Variants in SLC35H1 observed in about 807,000 individuals in gnomAD.
The protein encoded by SLC35H1 is ovarian cancer-overexpressed gene 1 protein.
chr20:46,351,188 C>T, the SLC35H1 span, among the ~76,000 whole-genome samples: 24 of 152,330 alleles, frequency 1.6e-4, no homozygotes, highest in East Asian at 3.3e-3. Flanking sequence ...GCCTTATCCA[C>T]AAGGATAAAG....
chr20:46,351,525 G>A, the SLC35H1 span, among the ~76,000 whole-genome samples: 27 of 152,334 alleles, frequency 1.8e-4, no homozygotes, highest in African/African-American at 5.8e-4. Context: ...GGAGAAGTGA[G>A]AAGAGGTATG....
the SLC35H1 span, chr20:46,355,519 C>G: frequency 1.6e-6 from 1 of 624,764 alleles, no homozygotes; most frequent in East Asian, 2.8e-5. This position sits in a 1 kb window ranked among gnomAD's most constrained non-coding sequence, Gnocchi z 4.8. Context: ...CTGGGCCTAA[C>G]ACACAGGGCT....
At chr20:46,350,038 C>T in the SLC35H1 span, 1 of 171,204 alleles carries the variant, frequency 5.8e-6, no homozygotes, top group African/African-American at 2.4e-5. Flanking sequence ...CCCTGGAGGT[C>T]CAAAACCCAG....
chr20:46,356,983 G>A, the SLC35H1 span, among the ~76,000 whole-genome samples: 482 of 152,238 alleles, frequency 3.2e-3, 1 homozygote, highest in Non-Finnish European at 5.7e-3. Flanking sequence ...CCTCCACGGG[G>A]AATCCGGCCT....
the SLC35H1 span, chr20:46,350,589 C>A: frequency 2.6e-6 from 4 of 1,538,340 alleles, no homozygotes; most frequent in African/African-American, 1.4e-5. Flanking sequence ...CTCTGATTTG[C>A]ATGTGTGCTG....
chr20:46,355,859 TTTGGTCA>T, the SLC35H1 span: 1 of 1,613,790 alleles, frequency 6.2e-7, no homozygotes, highest in Non-Finnish European at 8.5e-7. This position sits in a 1 kb window ranked among gnomAD's most constrained non-coding sequence, Gnocchi z 4.8. Flanking sequence ...CAGCTGAGGA[TTTGGTCA>T]TTGTGTACCT....
chr20:46,353,028 C>A, the SLC35H1 span: 1 of 152,228 alleles, frequency 6.6e-6, no homozygotes, highest in Admixed American at 6.5e-5. Flanking sequence ...AGTGCCCCAG[C>A]CCACTCAGGG....
At chr20:46,350,199 G>T in the SLC35H1 span, 2 of 524,462 alleles carry the variant, frequency 3.8e-6, no homozygotes, top group Non-Finnish European at 6.4e-6. Flanking sequence ...TCCCAGGCTG[G>T]CCTGGTGCTC....
the SLC35H1 span, chr20:46,358,370 G>T: frequency 6.2e-7 from 1 of 1,611,088 alleles, no homozygotes; most frequent in South Asian, 1.1e-5. Context: ...CCCCGCCCCA[G>T]CAAGGCCTCC....
At chr20:46,360,765 G>T in the SLC35H1 span, among the ~76,000 whole-genome samples, 5 of 152,152 alleles carry the variant, frequency 3.3e-5, no homozygotes, top group Admixed American at 2.6e-4. Context: ...GGTCAGGCTG[G>T]TCTTGAACTC....
At chr20:46,355,831 A>T in the SLC35H1 span, 1 of 1,614,152 alleles carries the variant, frequency 6.2e-7, no homozygotes, top group East Asian at 2.2e-5. This position sits in a 1 kb window ranked among gnomAD's most constrained non-coding sequence, Gnocchi z 4.8. Flanking sequence ...ATCAGAGAGA[A>T]GATCAAGATG....
At chr20:46,354,970 A>G in the SLC35H1 span, 1 of 1,613,960 alleles carries the variant, frequency 6.2e-7, no homozygotes. Context: ...GGAGGCCTGC[A>G]GGGCGGGGGA....
the SLC35H1 span, chr20:46,352,135 A>G: frequency 6.2e-7 from 1 of 1,614,214 alleles, no homozygotes; most frequent in Non-Finnish European, 8.5e-7. Flanking sequence ...CAAAGGCGAG[A>G]ATCCCGCCAA....
chr20:46,348,841 G>T, the SLC35H1 span: 3 of 152,254 alleles, frequency 2.0e-5, no homozygotes, highest in Admixed American at 1.3e-4. Context: ...CCCTGGGTCT[G>T]TGTCATCTAT....
chr20:46,346,125 G>A, the SLC35H1 span: 2 of 152,050 alleles, frequency 1.3e-5, no homozygotes, highest in African/African-American at 4.8e-5. Flanking sequence ...TCCTTCTGTT[G>A]TTCCCCAGCA....
chr20:46,350,953 G>C, the SLC35H1 span: 4 of 1,597,276 alleles, frequency 2.5e-6, no homozygotes, highest in African/African-American at 5.4e-5. Flanking sequence ...TGACCAGGAG[G>C]GTGGAAGGTG....
the SLC35H1 span, chr20:46,350,653 AG>A: frequency 6.7e-7 from 1 of 1,494,684 alleles, no homozygotes; most frequent in South Asian, 1.3e-5. Context: ...ATCTTCCTAG[AG>A]GAGTGACGGC....
At chr20:46,355,838 G>A in the SLC35H1 span, 101 of 1,614,004 alleles carry the variant, frequency 6.3e-5, no homozygotes, top group South Asian at 2.2e-5. The surrounding 1 kb of genome is among the most constrained non-coding windows in gnomAD (Gnocchi z 4.8). Context: ...AGAAGATCAA[G>A]ATGAAGAGGA....
chr20:46,360,385 T>C, the SLC35H1 span, among the ~76,000 whole-genome samples: 1 of 152,170 alleles, frequency 6.6e-6, no homozygotes, highest in Admixed American at 6.5e-5. Flanking sequence ...TGTGTCAGTC[T>C]GTGTCTGTGG....
Sources: gnomAD v4.1 joint callset for allele counts (sites outside exome capture counted in the v4.1 genomes callset) on GRCh38, gnomAD v4.1.1 for gene constraint, Gnocchi (gnomAD v3.1) non-coding constraint, MANE v1.5 for transcripts, NCBI Gene and HGNC (gene_info 2026-07-23, HGNC 2026-07-21) for gene names.